SNAP25: variants seen among roughly 807,000 people sequenced by gnomAD.
SNAP25 encodes the protein synaptosome associated protein 25, also known as synaptosomal-associated protein 25.
A neutral mutation model predicts 28.7 loss-of-function variants in SNAP25; 3 were observed. The observed-to-expected ratio is 0.10, with a 90% CI of 0.05 to 0.27. The LOEUF is 0.27. Ranked by LOEUF, SNAP25 falls within the 10% of genes least tolerant of loss-of-function variation. SNAP25 has a pLI of 1.00. For missense variants in SNAP25, 117 were observed against 278.7 expected, an observed-to-expected ratio of 0.42 and a Z score of 4.13; for synonymous variants, 61 against 88.1, an observed-to-expected ratio of 0.69 and a Z score of 1.72.
intron 3 of SNAP25, among the ~76,000 whole-genome samples, chr20:10,282,992 G>A (rs2063807410): frequency 6.6e-6 from 1 of 152,176 alleles, no homozygotes; most frequent in South Asian, 2.1e-4. Context: ...GAGCTTGTTA[G>A]AAATGAAAAG....
intron 1 of SNAP25, among the ~76,000 whole-genome samples, chr20:10,273,458 G>C (rs1297407088): frequency 6.6e-6 from 1 of 152,184 alleles, no homozygotes; most frequent in African/African-American, 2.4e-5. Context: ...GCTCACGTAA[G>C]AGTTCAGGTG....
intron 1 of SNAP25, among the ~76,000 whole-genome samples, chr20:10,259,578 G>A (rs1220887024): frequency 6.6e-6 from 1 of 151,614 alleles, no homozygotes; most frequent in Non-Finnish European, 1.5e-5. Flanking sequence ...TCATTCTCTT[G>A]CCCAGGCTGG....
chr20:10,249,811 G>C (rs1000516269), intron 1 of SNAP25, among the ~76,000 whole-genome samples: 5 of 152,114 alleles, frequency 3.3e-5, no homozygotes, highest in African/African-American at 1.2e-4. Flanking sequence ...ACCCTGCAAA[G>C]CTAATTATTT....
At chr20:10,261,163 C>T (rs363021) in intron 1 of SNAP25, among the ~76,000 whole-genome samples, 72,996 of 151,856 alleles carry the variant, frequency 0.48, 17,832 homozygotes, top group East Asian at 0.69. Flanking sequence ...GCTAAATACC[C>T]TCATACCCTC....
intron 6 of SNAP25, among the ~76,000 whole-genome samples, 168 bp from the exon 7 acceptor site, chr20:10,299,100 A>ATT (rs3830760): frequency 1.3e-5 from 2 of 151,848 alleles, no homozygotes; most frequent in South Asian, 2.1e-4. Flanking sequence ...AATTTTAAAC[A>ATT]TTTTTTTTAA....
intron 1 of SNAP25, among the ~76,000 whole-genome samples, chr20:10,239,892 A>G (rs1237637899): frequency 6.6e-6 from 1 of 152,184 alleles, no homozygotes; most frequent in East Asian, 1.9e-4. Flanking sequence ...AAGAACCTAC[A>G]GGGGCCTTTC....
intron 1 of SNAP25, among the ~76,000 whole-genome samples, chr20:10,238,942 T>C (rs2062973517): frequency 7.5e-6 from 1 of 133,286 alleles, no homozygotes; most frequent in Non-Finnish European, 1.5e-5. Flanking sequence ...CAATAAAGCA[T>C]CAATGCTGGC....
At chr20:10,263,545 T>TGGTGTTAGAATCTGTCTGTTC (rs2063456872) in intron 1 of SNAP25, among the ~76,000 whole-genome samples, 1 of 152,194 alleles carries the variant, frequency 6.6e-6, no homozygotes, top group Non-Finnish European at 1.5e-5. Flanking sequence ...TCTTTCTGTT[T>TGGTGTTAGAATCTGTCTGTTC]GGTCTTAGAA....
intron 1 of SNAP25, among the ~76,000 whole-genome samples, chr20:10,239,236 T>A (rs1188007626): frequency 1.3e-5 from 2 of 152,206 alleles, no homozygotes; most frequent in Non-Finnish European, 2.9e-5. Context: ...CAACTCCAGG[T>A]TCTTTTGAAC....
At chr20:10,244,731 C>G (rs1376711291) in intron 1 of SNAP25, among the ~76,000 whole-genome samples, 4 of 147,108 alleles carry the variant, frequency 2.7e-5, no homozygotes, top group African/African-American at 7.9e-5. Context: ...CTTTCTTTCT[C>G]TCTTTTTTTT....
At chr20:10,250,547 C>A (rs952920493) in intron 1 of SNAP25, among the ~76,000 whole-genome samples, 1 of 152,192 alleles carries the variant, frequency 6.6e-6, no homozygotes, top group Non-Finnish European at 1.5e-5. Flanking sequence ...AGTATCTTAA[C>A]CCACAGTCTC....
At chr20:10,285,265 G>A (rs192992879) in intron 4 of SNAP25, among the ~76,000 whole-genome samples, 4 of 152,152 alleles carry the variant, frequency 2.6e-5, no homozygotes, top group East Asian at 3.9e-4. Context: ...TATAACCTGA[G>A]GGAAATTATC....
intron 1 of SNAP25, chr20:10,219,542 G>C (rs1354403161): frequency 6.6e-6 from 1 of 152,244 alleles, no homozygotes; most frequent in Non-Finnish European, 1.5e-5. Flanking sequence ...GGCGGGAGGC[G>C]GGCGGGTCGT....
intron 4 of SNAP25, among the ~76,000 whole-genome samples, chr20:10,285,235 G>A (rs551411396): frequency 1.3e-4 from 20 of 152,182 alleles, no homozygotes; most frequent in African/African-American, 4.1e-4. Flanking sequence ...TTAAATACCT[G>A]GGAGCTGTTT....
intron 5 of SNAP25, among the ~76,000 whole-genome samples, chr20:10,296,003 A>G (rs2064100585): frequency 2.0e-5 from 3 of 152,172 alleles, no homozygotes; most frequent in Admixed American, 2.0e-4. Flanking sequence ...AGCCCAACAA[A>G]GAAGCTACTG....
rs2064366700 is a variant in SNAP25, at chr20:10,306,640, T to A, written c.*443T>A. The stretch of plus-strand genomic sequence containing the variant: ...TGTGCCGTCTTTGGTTCCTCATGGC[T>A]GTTATCTGTCTTTATGATTTCATGA... On this transcript the variant is annotated 3_prime_UTR_variant, in exon 8 of 8. Coordinates refer to ENST00000254976, the MANE Select transcript of SNAP25 (RefSeq NM_130811.4). The A allele has an allele frequency of 6.4e-6, 1 of 155,294 alleles. No homozygotes were observed. Among genetic ancestry groups the A allele is most frequent in the South Asian group, 2.0e-4 (1 of 4,928 alleles). 9.6% of individuals were successfully genotyped at this position (155,294 alleles called of 1,614,324 possible). A position where few individuals can be genotyped will look rare whatever the true frequency, so the allele number is the denominator to read the frequency against.
intron 1 of SNAP25, among the ~76,000 whole-genome samples, chr20:10,236,034 C>CA (rs1160742565): frequency 2.0e-5 from 3 of 152,134 alleles, no homozygotes; most frequent in Non-Finnish European, 2.9e-5. Context: ...ACTATATTTA[C>CA]AAAAAATCAA....
chr20:10,281,828 T>C (rs1245541607), intron 3 of SNAP25, among the ~76,000 whole-genome samples: 1 of 152,194 alleles, frequency 6.6e-6, no homozygotes, highest in Non-Finnish European at 1.5e-5. Flanking sequence ...CAGCTTCCCA[T>C]AGAGGTGAAC....
At chr20:10,246,640 C>G (rs2063133985) in intron 1 of SNAP25, among the ~76,000 whole-genome samples, 1 of 152,168 alleles carries the variant, frequency 6.6e-6, no homozygotes, top group African/African-American at 2.4e-5. Context: ...AGACAAGTCT[C>G]CTAAACTTCC....
Sources: allele counts gnomAD v4.1 joint callset (sites outside exome capture counted in the v4.1 genomes callset), GRCh38; gene constraint gnomAD v4.1.1; transcripts MANE v1.5; gene names NCBI Gene and HGNC (gene_info 2026-07-23, HGNC 2026-07-21).